Variants in DAB1 observed in about 807,000 individuals in gnomAD.
The protein encoded by DAB1 is DAB adaptor protein 1, also known as disabled homolog 1.
In DAB1, 15 loss-of-function variants were observed where a neutral mutation model predicts 64.6. That is an observed-to-expected ratio of 0.23 (90% CI 0.16 to 0.36). The LOEUF is 0.36. Ranked by LOEUF, DAB1 falls within the 10% of genes least tolerant of loss-of-function variation. The pLI is 1.00. For synonymous variants in DAB1, 235 were observed against 251.9 expected (o/e 0.93, Z 0.64); for missense variants, 596 against 706.7 (o/e 0.84, Z 1.78).
chr1:57,994,974 G>A (rs1017227341), intron 5 of DAB1, among the ~76,000 whole-genome samples: 11 of 152,178 alleles, frequency 7.2e-5, no homozygotes, highest in African/African-American at 2.2e-4. Flanking sequence ...CAGAATTACC[G>A]GAGCAGAGCA....
intron 1 of DAB1, chr1:58,527,394 AAC>A (rs904418009): frequency 1.2e-6 from 1 of 821,658 alleles, no homozygotes; most frequent in African/African-American, 1.7e-5. Flanking sequence ...AAAAAGGAGT[AAC>A]ACAGAGAGAT....
At chr1:57,369,848 T>C (rs1025607403) in intron 1 of DAB1, among the ~76,000 whole-genome samples, 1 of 152,204 alleles carries the variant, frequency 6.6e-6, no homozygotes, top group East Asian at 1.9e-4. Context: ...GTTATAACGA[T>C]CATCCTGATC....
At chr1:58,190,824 G>A (rs1206653719) in intron 4 of DAB1, among the ~76,000 whole-genome samples, 1 of 152,250 alleles carries the variant, frequency 6.6e-6, no homozygotes, top group East Asian at 1.9e-4. Flanking sequence ...AGTGTAATTA[G>A]TTCACTTACT....
At chr1:57,974,545 T>C (rs1645874329) in intron 5 of DAB1, among the ~76,000 whole-genome samples, 1 of 151,928 alleles carries the variant, frequency 6.6e-6, no homozygotes, top group Non-Finnish European at 1.5e-5. Flanking sequence ...CTAGGTGCCG[T>C]CTTAGACATC....
intron 2 of DAB1, among the ~76,000 whole-genome samples, chr1:57,268,358 C>T (rs559559100): frequency 6.6e-6 from 1 of 152,270 alleles, no homozygotes; most frequent in East Asian, 1.9e-4. Flanking sequence ...GTTTGTTAAC[C>T]TTATGGCAAT....
At chr1:56,998,918 G>A (rs1645738001) in intron 14 of DAB1, among the ~76,000 whole-genome samples, 1 of 152,178 alleles carries the variant, frequency 6.6e-6, no homozygotes, top group Non-Finnish European at 1.5e-5. Context: ...TTCAGCTGAT[G>A]TTGAGATGGC....
chr1:57,338,880 T>TG (rs1388038923), intron 1 of DAB1, among the ~76,000 whole-genome samples: 4 of 152,144 alleles, frequency 2.6e-5, no homozygotes, highest in Admixed American at 2.0e-4. Flanking sequence ...AATGAAGTAA[T>TG]GTATGTGTAA....
intron 7 of DAB1, among the ~76,000 whole-genome samples, chr1:57,599,929 G>T (rs1411418707): frequency 1.3e-5 from 2 of 152,110 alleles, no homozygotes; most frequent in African/African-American, 2.4e-5. Flanking sequence ...CTTCACTTTG[G>T]ACTGGTGCTT....
chr1:57,872,803 C>T (rs571808790), intron 1 of DAB1, among the ~76,000 whole-genome samples: 11 of 152,084 alleles, frequency 7.2e-5, no homozygotes, highest in Admixed American at 1.3e-4. Flanking sequence ...ATGTTTAAAC[C>T]TGGACTTCAT....
At chr1:58,138,244 T>A (rs1654058297) in intron 5 of DAB1, among the ~76,000 whole-genome samples, 1 of 152,162 alleles carries the variant, frequency 6.6e-6, no homozygotes, top group Admixed American at 6.6e-5. Context: ...AGTATAAAAC[T>A]TGCCCTTAGT....
At chr1:58,048,571 C>T in intron 5 of DAB1, 3 of 1,011,082 alleles carry the variant, frequency 3.0e-6, no homozygotes, top group Admixed American at 3.5e-5. Flanking sequence ...TATAACCATC[C>T]CCACTGCCAC....
At chr1:58,341,638 A>G (rs577374131) in intron 4 of DAB1, among the ~76,000 whole-genome samples, 4 of 152,312 alleles carry the variant, frequency 2.6e-5, no homozygotes, top group Admixed American at 2.6e-4. Flanking sequence ...GAACCCAGGT[A>G]GTCTGACTCG....
At chr1:58,131,476 T>C (rs1416292399) in intron 5 of DAB1, among the ~76,000 whole-genome samples, 22 of 147,180 alleles carry the variant, frequency 1.5e-4, no homozygotes, top group African/African-American at 4.5e-4. Context: ...TCATTCTCCA[T>C]CCAGCTTTGT....
At chr1:58,499,401 C>A (rs1268451346) in intron 3 of DAB1, among the ~76,000 whole-genome samples, 1 of 150,156 alleles carries the variant, frequency 6.7e-6, no homozygotes, top group African/African-American at 2.5e-5. Flanking sequence ...GGGAAAATTG[C>A]TTTAGCCCAG....
intron 5 of DAB1, among the ~76,000 whole-genome samples, chr1:58,102,708 A>G (rs774901856): frequency 1.8e-4 from 28 of 152,308 alleles, no homozygotes; most frequent in Middle Eastern, 3.4e-3. Context: ...CTTTTAATGA[A>G]TTTAATGAAT....
intron 8 of DAB1, among the ~76,000 whole-genome samples, chr1:57,068,943 A>C (rs1651190061): frequency 6.6e-6 from 1 of 152,236 alleles, no homozygotes; most frequent in Admixed American, 6.5e-5. Context: ...TAATATTCTC[A>C]ATGTTGTTTT....
At chr1:57,691,952 G>A (rs542074468) in intron 6 of DAB1, among the ~76,000 whole-genome samples, 3 of 152,164 alleles carry the variant, frequency 2.0e-5, no homozygotes, top group African/African-American at 7.2e-5. Context: ...GGCTTTCTGG[G>A]AAAGGGCTCT....
chr1:57,157,092 C>T (rs1031193811), intron 2 of DAB1, among the ~76,000 whole-genome samples: 5 of 152,154 alleles, frequency 3.3e-5, no homozygotes, highest in Admixed American at 6.5e-5. Context: ...GCCTCCCACT[C>T]CAGGCTGCGC....
chr1:57,452,179 T>C (rs1686406314), intron 7 of DAB1, among the ~76,000 whole-genome samples: 1 of 141,854 alleles, frequency 7.0e-6, no homozygotes, highest in Admixed American at 7.1e-5. Context: ...TTTTTTTTTT[T>C]TTTTTTTTGA....
Sources: allele counts gnomAD v4.1 joint callset (sites outside exome capture counted in the v4.1 genomes callset), GRCh38; gene constraint gnomAD v4.1.1; transcripts MANE v1.5; gene names NCBI Gene and HGNC (gene_info 2026-07-23, HGNC 2026-07-21).